The following AGBL2 variants were observed in gnomAD, a reference collection of about 807,000 sequenced individuals.
AGBL2 encodes AGBL carboxypeptidase 2, also known as cytosolic carboxypeptidase 2.
Under a neutral mutation model 103.0 loss-of-function variants are expected in AGBL2, and 87 were observed. The ratio of observed to expected loss-of-function variants is 0.84; its 90% CI spans 0.71 to 1.01. The LOEUF (loss-of-function observed/expected upper bound fraction) is 1.01. Ranked by LOEUF, AGBL2 falls within the 50% of genes least tolerant of loss-of-function variation. The pLI is 0.00. For synonymous variants in AGBL2, 335 were observed against 356.7 expected (o/e 0.94, Z 0.69); for missense variants, 904 against 1,023.5 (o/e 0.88, Z 1.59).
chr11:47,682,511 G>A (rs1333737227), intron 11 of AGBL2, among the ~76,000 whole-genome samples: 1 of 152,060 alleles, frequency 6.6e-6, no homozygotes, highest in Non-Finnish European at 1.5e-5. Context: ...TGGCATTCAA[G>A]GCACTAGCCA....
intron 8 of AGBL2, 89 bp downstream of exon 8, chr11:47,699,357 G>A: frequency 2.6e-6 from 2 of 769,706 alleles, no homozygotes; most frequent in East Asian, 3.0e-5. Flanking sequence ...ACTAAACTAT[G>A]GATTTTTAAA....
At chr11:47,662,171 T>C (rs2097329738) in intron 18 of AGBL2, among the ~76,000 whole-genome samples, 1 of 152,002 alleles carries the variant, frequency 6.6e-6, no homozygotes, top group Admixed American at 6.6e-5. Flanking sequence ...AGTTTTTATA[T>C]TTTATTTATT....
chr11:47,679,932 A>G (rs764179082), intron 13 of AGBL2, 41 bp downstream of exon 13: 1 of 1,318,548 alleles, frequency 7.6e-7, no homozygotes, highest in South Asian at 1.2e-5. Context: ...GTGAGCCACC[A>G]TGCCTGGCCT....
At chr11:47,660,414 T>G in intron 18 of AGBL2, 68 bp from the exon 19 acceptor site, 1 of 1,488,184 alleles carries the variant, frequency 6.7e-7, no homozygotes, top group Non-Finnish European at 9.1e-7. Context: ...GTAGTTAGGG[T>G]TGGGGTTGGC....
chr11:47,713,441 C>T (rs2097541358), intron 3 of AGBL2, among the ~76,000 whole-genome samples: 1 of 150,082 alleles, frequency 6.7e-6, no homozygotes, highest in African/African-American at 2.4e-5. Flanking sequence ...AGGAGAATCT[C>T]TTGAACCTGG....
chr11:47,665,869 C>A (rs2097339980), intron 17 of AGBL2, among the ~76,000 whole-genome samples: 1 of 152,044 alleles, frequency 6.6e-6, no homozygotes, highest in African/African-American at 2.4e-5. Context: ...ATTAGCCAGG[C>A]AAGGTGGCAT....
At chr11:47,689,917 CAA>C (rs1289694647) in intron 10 of AGBL2, among the ~76,000 whole-genome samples, 157 bp downstream of exon 10, 34 of 152,242 alleles carry the variant, frequency 2.2e-4, no homozygotes, top group Admixed American at 2.2e-3. Flanking sequence ...TGAAAATTAA[CAA>C]AGTCACTTGA....
chr11:47,705,828 A>G (rs377561759), intron 5 of AGBL2, 36 bp downstream of exon 5: 93 of 1,592,344 alleles, frequency 5.8e-5, no homozygotes, highest in Non-Finnish European at 7.7e-5. Flanking sequence ...CCAAAAAAGG[A>G]GCTTGAATCT....
intron 14 of AGBL2, among the ~76,000 whole-genome samples, chr11:47,670,231 A>C (rs1185511079): frequency 6.6e-6 from 1 of 152,212 alleles, no homozygotes; most frequent in Non-Finnish European, 1.5e-5. Context: ...CCTAACAGGT[A>C]CTCTGAAGAA....
chr11:47,704,926 A>C (rs1396471965), intron 6 of AGBL2, among the ~76,000 whole-genome samples, 198 bp from the exon 7 acceptor site: 1 of 152,230 alleles, frequency 6.6e-6, no homozygotes, highest in Non-Finnish European at 1.5e-5. Flanking sequence ...AAAATTCTGC[A>C]CAGTCTATTA....
intron 7 of AGBL2, 28 bp downstream of exon 7, chr11:47,704,515 C>G (rs779944096): frequency 6.6e-7 from 1 of 1,511,304 alleles, no homozygotes; most frequent in Non-Finnish European, 9.0e-7. Context: ...GGCAGAATAG[C>G]AAGACCACTG....
chr11:47,711,612 C>T (rs2097536597), intron 3 of AGBL2, among the ~76,000 whole-genome samples: 1 of 152,222 alleles, frequency 6.6e-6, no homozygotes, highest in South Asian at 2.1e-4. Context: ...CAGCTCACTG[C>T]AACCTCTGCC....
chr11:47,673,663 C>T (rs987413578), intron 14 of AGBL2, among the ~76,000 whole-genome samples: 68 of 147,782 alleles, frequency 4.6e-4, no homozygotes, highest in African/African-American at 1.6e-3. Context: ...TGGTGGTGGG[C>T]GCCTGTAATA....
chr11:47,701,379 G>A (rs2097498518), intron 7 of AGBL2, among the ~76,000 whole-genome samples: 1 of 151,240 alleles, frequency 6.6e-6, no homozygotes, highest in South Asian at 2.1e-4. Flanking sequence ...GCTGAGGAGG[G>A]AGATTGCTTG....
At chr11:47,666,858 C>G in intron 17 of AGBL2, 98 bp downstream of exon 17, 1 of 814,676 alleles carries the variant, frequency 1.2e-6, no homozygotes, top group South Asian at 1.4e-5. Flanking sequence ...GTTAGGGTAA[C>G]GTAAATGGCT....
chr11:47,670,717 G>A (rs1298823818), intron 14 of AGBL2, among the ~76,000 whole-genome samples: 2 of 151,750 alleles, frequency 1.3e-5, no homozygotes, highest in Non-Finnish European at 2.9e-5. Flanking sequence ...AGGGTGGCTG[G>A]GCACAGTGGT....
At chr11:47,685,527 T>C (rs2097420278) in intron 11 of AGBL2, among the ~76,000 whole-genome samples, 1 of 152,150 alleles carries the variant, frequency 6.6e-6, no homozygotes, top group South Asian at 2.1e-4. Flanking sequence ...GTTTAAGCGA[T>C]TCTCCTGCCT....
intron 8 of AGBL2, among the ~76,000 whole-genome samples, chr11:47,692,994 T>A (rs1317004426): frequency 6.6e-6 from 1 of 151,828 alleles, no homozygotes; most frequent in Non-Finnish European, 1.5e-5. Context: ...AATTGTTTAA[T>A]TTTTTTGTAG....
chr11:47,699,692 G>A, intron 7 of AGBL2, 139 bp from the exon 8 acceptor site: 1 of 513,896 alleles, frequency 1.9e-6, no homozygotes, highest in Non-Finnish European at 3.3e-6. Flanking sequence ...TAAATTTCCT[G>A]CTTGTTTATA....
Sources: allele counts gnomAD v4.1 joint callset (sites outside exome capture counted in the v4.1 genomes callset), GRCh38; gene constraint gnomAD v4.1.1; transcripts MANE v1.5; gene names NCBI Gene and HGNC (gene_info 2026-07-23, HGNC 2026-07-21).